The following RAB27A variants were observed in gnomAD, a reference collection of about 807,000 sequenced individuals.
RAB27A encodes RAB27A, member RAS oncogene family.
RAB27A carries 17 observed loss-of-function variants against 20.8 expected under a neutral mutation model. That is an observed-to-expected ratio of 0.82 (90% CI 0.56 to 1.23). The LOEUF (loss-of-function observed/expected upper bound fraction) is 1.23. Ranked by LOEUF, RAB27A falls within the 50% of genes most tolerant of loss-of-function variation. RAB27A has a pLI of 0.00. For synonymous variants in RAB27A, 85 were observed against 92.8 expected, an observed-to-expected ratio of 0.92 and a Z score of 0.48; for missense variants, 277 against 266.7, an observed-to-expected ratio of 1.04 and a Z score of -0.27.
intron 2 of RAB27A, among the ~76,000 whole-genome samples, chr15:55,253,218 C>A (rs1178482304): frequency 6.6e-6 from 1 of 150,890 alleles, no homozygotes; most frequent in Non-Finnish European, 1.5e-5. Context: ...AAAGCCAAGG[C>A]TGACAGATCA....
At chr15:55,284,534 T>C (rs997983554) in intron 1 of RAB27A, among the ~76,000 whole-genome samples, 1 of 152,154 alleles carries the variant, frequency 6.6e-6, no homozygotes, top group Admixed American at 6.6e-5. Context: ...AAGAACCACA[T>C]GGGGCTTTCA....
At position 55,223,902 on chromosome 15, in the gene RAB27A, C is replaced by T. The variant is rs104894499; in HGVS notation, c.454G>A (p.Ala152Thr). ...VVKEEEAIAL[A>T]EKYGIPYFET... is the part of the protein sequence containing the mutation. Reference sequence around the variant, plus strand: ...AAAAATACTCACCCATATTTCTCTGCGAGTGCTATGGCTTCCTCCTCTTTC... The same window carrying T: ...AAAAATACTCACCCATATTTCTCTGTGAGTGCTATGGCTTCCTCCTCTTTC... Residue 152 changes from alanine to threonine, a missense_variant, in exon 6 of 7, where the codon GCA becomes ACA. Ala to Thr is a moderately conservative substitution (Grantham distance 58). Transcript: ENST00000336787. The T allele has an allele frequency of 3.7e-6, 6 of 1,613,578 alleles. No individual in the cohort carries two copies. The highest frequency in any genetic ancestry group is 3.3e-5 in the Admixed American group (2 of 59,994).
chr15:55,228,602 CA>C lies in RAB27A; in HGVS notation c.343+6del, dbSNP rs1277146219. ...GTAGCAGGACACTGGGGAACAATAA[CA>C]CTTACTTATCCAGTTTCTGACATTG... On this transcript the variant is annotated splice_donor_region_variant and intron_variant, in intron 5 of 6. Coordinates refer to ENST00000336787, the MANE Select transcript of RAB27A (RefSeq NM_183235.3). 4.4e-6 allele frequency: 7 copies of C among 1,574,458 alleles called. No homozygotes were observed. Among genetic ancestry groups the C allele is most frequent in the East Asian group, 2.2e-5 (1 of 44,678 alleles).
intron 2 of RAB27A, among the ~76,000 whole-genome samples, chr15:55,313,829 C>T (rs577334163): frequency 2.8e-4 from 43 of 152,166 alleles, no homozygotes; most frequent in Middle Eastern, 6.8e-3. Flanking sequence ...AAAACTTAGC[C>T]GGGAGTGGTG....
chr15:55,303,582 G>A (rs1394883841), intron 2 of RAB27A, among the ~76,000 whole-genome samples: 1,043 of 80,666 alleles, frequency 0.013, 16 homozygotes, highest in East Asian at 0.017. Context: ...CCCCCCGCCC[G>A]GCCAGCCGCC....
intron 2 of RAB27A, among the ~76,000 whole-genome samples, chr15:55,311,827 T>A (rs1307007249): frequency 2.0e-5 from 3 of 152,132 alleles, no homozygotes. Flanking sequence ...CGTTTCTGCC[T>A]TGGGGGGAAC....
At chr15:55,299,890 A>C (rs906584388) in intron 2 of RAB27A, among the ~76,000 whole-genome samples, 1 of 148,920 alleles carries the variant, frequency 6.7e-6, no homozygotes, top group South Asian at 2.1e-4. Context: ...GCGCGATCTC[A>C]GCTCACTGCA....
chr15:55,209,144 A>G (rs1370051094), intron 6 of RAB27A, among the ~76,000 whole-genome samples: 1 of 152,196 alleles, frequency 6.6e-6, no homozygotes, highest in African/African-American at 2.4e-5. Context: ...TACTAGAACG[A>G]TTGGAATTTT....
At chr15:55,224,951 C>A (rs1895737607) in intron 5 of RAB27A, among the ~76,000 whole-genome samples, 1 of 152,162 alleles carries the variant, frequency 6.6e-6, no homozygotes, top group Non-Finnish European at 1.5e-5. Flanking sequence ...TGAGCATTAG[C>A]ACAGGCCTGA....
intron 2 of RAB27A, among the ~76,000 whole-genome samples, chr15:55,258,587 A>G (rs1897165796): frequency 6.6e-6 from 1 of 152,216 alleles, no homozygotes; most frequent in African/African-American, 2.4e-5. Flanking sequence ...CTATGCACAC[A>G]TGTTCAGTAA....
At chr15:55,306,126 C>G (rs1171828652) in intron 2 of RAB27A, among the ~76,000 whole-genome samples, 2 of 152,150 alleles carry the variant, frequency 1.3e-5, no homozygotes, top group Non-Finnish European at 2.9e-5. Flanking sequence ...GGGAGTTACC[C>G]ACCTGATGCA....
chr15:55,232,925 A>G (rs1325574075), intron 3 of RAB27A, among the ~76,000 whole-genome samples: 1 of 152,170 alleles, frequency 6.6e-6, no homozygotes, highest in African/African-American at 2.4e-5. Flanking sequence ...GGAGTTCGAG[A>G]CCAGCCTGGC....
intron 5 of RAB27A, among the ~76,000 whole-genome samples, chr15:55,225,967 A>G (rs1311805947): frequency 6.6e-6 from 1 of 152,228 alleles, no homozygotes; most frequent in Non-Finnish European, 1.5e-5. Context: ...AAGAATAAGC[A>G]GAACTCCAGT....
chr15:55,265,185 C>T (rs1324045762), intron 2 of RAB27A, among the ~76,000 whole-genome samples: 1 of 152,046 alleles, frequency 6.6e-6, no homozygotes, highest in Non-Finnish European at 1.5e-5. Flanking sequence ...GAGGTTGCAG[C>T]CAGCCGAGAT....
At chr15:55,287,082 G>A (rs555038287) in intron 1 of RAB27A, among the ~76,000 whole-genome samples, 10 of 151,826 alleles carry the variant, frequency 6.6e-5, no homozygotes, top group African/African-American at 2.2e-4. Context: ...ACCACGCCCC[G>A]CTAATTTTTG....
At chr15:55,304,538 C>T (rs997596113) in intron 2 of RAB27A, among the ~76,000 whole-genome samples, 1 of 152,120 alleles carries the variant, frequency 6.6e-6, no homozygotes. Flanking sequence ...TCATTCAACC[C>T]CTGTCAGCCA....
intron 6 of RAB27A, among the ~76,000 whole-genome samples, chr15:55,212,532 C>CTTTT (rs59221045): frequency 0.096 from 12,798 of 133,804 alleles, 1,596 homozygotes; most frequent in African/African-American, 0.28. Flanking sequence ...AGCAACAAAT[C>CTTTT]TTTTTTTTTT....
At chr15:55,284,953 T>C (rs1299014923) in intron 1 of RAB27A, among the ~76,000 whole-genome samples, 5 of 152,204 alleles carry the variant, frequency 3.3e-5, no homozygotes, top group Non-Finnish European at 7.3e-5. Context: ...AAATCAGCCA[T>C]GGCTCAATCA....
At chr15:55,261,147 C>T (rs1040253280) in intron 2 of RAB27A, among the ~76,000 whole-genome samples, 3 of 152,086 alleles carry the variant, frequency 2.0e-5, no homozygotes, top group African/African-American at 7.2e-5. Flanking sequence ...GCCTGTAATC[C>T]CAGCACTTTG....
Sources: allele counts gnomAD v4.1 joint callset (sites outside exome capture counted in the v4.1 genomes callset), GRCh38; gene constraint gnomAD v4.1.1; transcripts MANE v1.5; gene names NCBI Gene and HGNC (gene_info 2026-07-23, HGNC 2026-07-21).